Variants in MACF1 observed in about 807,000 individuals in gnomAD.
MACF1 encodes microtubule-actin cross-linking factor 1.
MACF1 carries 193 observed loss-of-function variants against 854.8 expected under a neutral mutation model. The observed-to-expected ratio is 0.23, with a 90% CI of 0.20 to 0.25. MACF1 has a LOEUF of 0.25. Ranked by LOEUF, MACF1 falls within the 10% of genes least tolerant of loss-of-function variation. The probability of loss-of-function intolerance (pLI) is 1.00; values close to 1 mark genes in which losing one functional copy is unlikely to be tolerated. For missense variants in MACF1, 7,722 were observed against 8,929.1 expected, an observed-to-expected ratio of 0.86 and a Z score of 5.45; for synonymous variants, 3,185 against 3,226.7, an observed-to-expected ratio of 0.99 and a Z score of 0.44.
At chr1:39,365,833 G>A (rs567304089) in intron 49 of MACF1, among the ~76,000 whole-genome samples, 80 of 151,844 alleles carry the variant, frequency 5.3e-4, no homozygotes, top group African/African-American at 1.7e-3. Flanking sequence ...CTGCCACCAC[G>A]CCTGGCTAAT....
At chr1:39,313,818 T>C (rs1197560973) in intron 26 of MACF1, among the ~76,000 whole-genome samples, 1 of 152,118 alleles carries the variant, frequency 6.6e-6, no homozygotes, top group East Asian at 1.9e-4. Flanking sequence ...TCTCACTATA[T>C]TACCCAGGCT....
chr1:39,240,882 G>C (rs1417523978), intron 2 of MACF1, among the ~76,000 whole-genome samples: 1 of 152,120 alleles, frequency 6.6e-6, no homozygotes, highest in African/African-American at 2.4e-5. Flanking sequence ...TCACAATTTA[G>C]GGAATTCTCA....
At chr1:39,379,093 C>A in intron 53 of MACF1, 110 bp from the exon 54 acceptor site, 1 of 1,120,578 alleles carries the variant, frequency 8.9e-7, no homozygotes, top group South Asian at 1.7e-5. Context: ...GGAAGATAAT[C>A]TCTAATTCAC....
At chr1:39,095,234 C>T (rs1440011380) in intron 2 of MACF1, among the ~76,000 whole-genome samples, 1 of 152,028 alleles carries the variant, frequency 6.6e-6, no homozygotes, top group African/African-American at 2.4e-5. Flanking sequence ...GGGCAAGACT[C>T]CTGAAATAGG....
intron 40 of MACF1, among the ~76,000 whole-genome samples, chr1:39,345,794 C>T (rs967666444): frequency 1.3e-5 from 2 of 151,714 alleles, no homozygotes; most frequent in Non-Finnish European, 2.9e-5. Flanking sequence ...GATGGCCGGG[C>T]GTGTGGCTCA....
intron 99 of MACF1, among the ~76,000 whole-genome samples, chr1:39,481,560 G>C (rs1254716434): frequency 6.6e-6 from 1 of 152,180 alleles, no homozygotes; most frequent in Non-Finnish European, 1.5e-5. Flanking sequence ...AGTGAACACT[G>C]ACCTGAGGCT....
chr1:39,157,359 A>C (rs980627544), intron 2 of MACF1, among the ~76,000 whole-genome samples: 10 of 152,164 alleles, frequency 6.6e-5, no homozygotes, highest in African/African-American at 1.9e-4. Flanking sequence ...TTACAATGCT[A>C]CTTACACAGT....
chr1:39,152,916 G>C (rs1262345180), intron 2 of MACF1, among the ~76,000 whole-genome samples: 1 of 151,644 alleles, frequency 6.6e-6, no homozygotes, highest in Non-Finnish European at 1.5e-5. Flanking sequence ...TTTGCTGGCA[G>C]AACAGCCCAG....
intron 40 of MACF1, among the ~76,000 whole-genome samples, 172 bp from the exon 41 acceptor site, chr1:39,346,805 C>T (rs754252328): frequency 6.6e-6 from 1 of 152,206 alleles, no homozygotes; most frequent in Non-Finnish European, 1.5e-5. Context: ...AGGCATGAGC[C>T]ACCGCACCTG....
At chr1:39,088,966 A>AT (rs1369794860) in intron 2 of MACF1, among the ~76,000 whole-genome samples, 1 of 152,236 alleles carries the variant, frequency 6.6e-6, no homozygotes, top group East Asian at 1.9e-4. Context: ...TCAATCAGGT[A>AT]TTCATTCATC....
At chr1:39,392,658 C>T (rs879731485) in intron 58 of MACF1, among the ~76,000 whole-genome samples, 12 of 152,074 alleles carry the variant, frequency 7.9e-5, no homozygotes, top group African/African-American at 1.2e-4. Flanking sequence ...CTGTGAAGAA[C>T]CCCCCAGTCT....
Position 39,337,289 on chromosome 1 carries a change from G to T in MACF1, c.10173G>T (p.Glu3391Asp), listed in dbSNP as rs761674307. ...GGACCAAACAGATTCAACCTTTGGA[G>T]CTAAACCTGGCAGAACTACAGGATC... ...EMRTKQIQPL[E>D]LNLAELQDLL... Residue 3391 changes from glutamate to aspartate, a missense_variant, in exon 38 of 101, where the codon GAG becomes GAT. By Grantham distance (45) the Glu-to-Asp change is conservative. This residue lies in a region of MACF1 where 854 missense variants were observed against 852.6 expected (regional missense o/e 1.00). Coordinates refer to ENST00000564288, the MANE Select transcript of MACF1 (RefSeq NM_001394062.1). 1.2e-6 allele frequency: 2 copies of T among 1,614,100 alleles called. No individual in the cohort carries two copies. Among genetic ancestry groups the T allele is most frequent in the Non-Finnish European group, 1.7e-6 (2 of 1,179,990 alleles).
chr1:39,255,530 G>A (rs1001705714), intron 5 of MACF1, among the ~76,000 whole-genome samples: 7 of 152,200 alleles, frequency 4.6e-5, no homozygotes, highest in African/African-American at 7.2e-5. Flanking sequence ...ACTCATATCA[G>A]TAATTCTCAT....
At chr1:39,458,631 C>A in intron 90 of MACF1, 141 bp downstream of exon 90, 1 of 1,086,372 alleles carries the variant, frequency 9.2e-7, no homozygotes, top group Non-Finnish European at 1.3e-6. Flanking sequence ...ATTTTTGAAA[C>A]TCACTTTTCT....
Position 39,204,933 on chromosome 1 carries a change from C to A in MACF1, c.-90C>A. The A allele has an allele frequency of 1.5e-6, 1 of 683,004 alleles. No homozygotes were observed. Among genetic ancestry groups the A allele is most frequent in the Non-Finnish European group, 2.7e-6 (1 of 375,236 alleles). 42.3% of individuals were successfully genotyped at this position (683,004 alleles called of 1,614,324 possible). ...CCGGCCTCTGCCTCTGCTGATAGTA[C>A]AGGACAACAGTAACCTCAGGAGAAA... is the stretch of plus-strand genomic sequence containing the variant. On this transcript the variant is annotated 5_prime_UTR_variant, in exon 1 of 101. Transcript: ENST00000564288.
intron 58 of MACF1, chr1:39,414,216 G>T (rs1464186131): frequency 6.2e-7 from 1 of 1,613,834 alleles, no homozygotes; most frequent in African/African-American, 1.3e-5. Context: ...CCACCCCAGA[G>T]GTGCCTGCCA....
intron 2 of MACF1, among the ~76,000 whole-genome samples, chr1:39,147,502 TCTTTCTTTTCCTC>T (rs144827519): frequency 0.029 from 4,410 of 150,764 alleles, 211 homozygotes; most frequent in African/African-American, 0.1. Context: ...TTCCCTTCTT[TCTTTCTTTTCCTC>T]CTTTCTTTTC....
chr1:39,264,963 C>T (rs896255656), intron 6 of MACF1, among the ~76,000 whole-genome samples: 2 of 152,152 alleles, frequency 1.3e-5, no homozygotes, highest in Non-Finnish European at 2.9e-5. Context: ...CGTGAGCCAC[C>T]GCGCCCGGCC....
intron 57 of MACF1, among the ~76,000 whole-genome samples, 155 bp from the exon 58 acceptor site, chr1:39,387,032 G>C (rs1641832304): frequency 6.6e-6 from 1 of 152,234 alleles, no homozygotes; most frequent in African/African-American, 2.4e-5. Context: ...AAATAAGATA[G>C]TGTACATGAA....
Sources: gnomAD v4.1 joint callset for allele counts (sites outside exome capture counted in the v4.1 genomes callset) on GRCh38, gnomAD v4.1.1 for gene constraint, gnomAD v4.1.1 regional missense constraint, MANE v1.5 for transcripts, NCBI Gene and HGNC (gene_info 2026-07-23, HGNC 2026-07-21) for gene names.